ARHGAP42: variants seen among roughly 807,000 people sequenced by gnomAD.
ARHGAP42 encodes the protein rho GTPase-activating protein 42.
In ARHGAP42, 63 loss-of-function variants were observed where a neutral mutation model predicts 125.0. That is an observed-to-expected ratio of 0.50 (90% CI 0.41 to 0.62). The LOEUF is 0.62. Ranked by LOEUF, ARHGAP42 falls within the 20% of genes least tolerant of loss-of-function variation. The pLI is 0.00. For missense variants in ARHGAP42, 766 were observed against 1,024.2 expected (o/e 0.75, Z 3.44); for synonymous variants, 339 against 351.0 (o/e 0.97, Z 0.38).
At chr11:100,976,465 T>C (rs1403577320) in intron 20 of ARHGAP42, 28 bp downstream of exon 20, 6 of 1,491,698 alleles carry the variant, frequency 4.0e-6, no homozygotes, top group Non-Finnish European at 4.5e-6. Flanking sequence ...TTGTGCAAGA[T>C]GTCATTGTCT....
At chr11:100,878,248 C>G (rs1165780611) in intron 4 of ARHGAP42, among the ~76,000 whole-genome samples, 1 of 151,948 alleles carries the variant, frequency 6.6e-6, no homozygotes, top group East Asian at 2.0e-4. Context: ...CCTGCCTCAG[C>G]CTCCCGAGTA....
intron 1 of ARHGAP42, among the ~76,000 whole-genome samples, chr11:100,755,376 T>C (rs1311131858): frequency 2.0e-5 from 3 of 152,232 alleles, no homozygotes; most frequent in Admixed American, 2.0e-4. Context: ...TAGATAATTT[T>C]CCATACTTAA....
intron 2 of ARHGAP42, among the ~76,000 whole-genome samples, chr11:100,772,639 C>G (rs990918846): frequency 6.6e-6 from 1 of 152,154 alleles, no homozygotes; most frequent in African/African-American, 2.4e-5. Context: ...TCATGCACTG[C>G]CAACATTTGG....
At chr11:100,963,637 A>C (rs1180846721) in intron 16 of ARHGAP42, among the ~76,000 whole-genome samples, 2 of 152,182 alleles carry the variant, frequency 1.3e-5, no homozygotes, top group Non-Finnish European at 2.9e-5. Context: ...AATCTACACT[A>C]TTTAGTTTTC....
chr11:100,988,991 T>C lies in ARHGAP42; in HGVS notation c.*190T>C. ...AAGATTTAAATTGTTGGCCATTCTT[T>C]TTTGGTTGGTTTCTTATTTTAAAAT... is the stretch of plus-strand genomic sequence containing the variant. On this transcript the variant is annotated 3_prime_UTR_variant, in exon 24 of 24. Coordinates refer to ENST00000298815, the MANE Select transcript of ARHGAP42 (RefSeq NM_152432.4). 1 of 492,842 alleles carries C rather than the reference T, an allele frequency of 2.0e-6. No individual in the cohort carries two copies. Among genetic ancestry groups the C allele is most frequent in the African/African-American group, 1.9e-5 (1 of 52,984 alleles). 30.5% of individuals were successfully genotyped at this position (492,842 alleles called of 1,614,324 possible).
chr11:100,810,929 A>G (rs1461821796), intron 3 of ARHGAP42, among the ~76,000 whole-genome samples: 1 of 152,142 alleles, frequency 6.6e-6, no homozygotes, highest in Non-Finnish European at 1.5e-5. Context: ...CAGCAATAAA[A>G]TGAACATTTT....
chr11:100,709,322 G>A (rs1591120029), intron 1 of ARHGAP42, among the ~76,000 whole-genome samples: 1 of 152,158 alleles, frequency 6.6e-6, no homozygotes, highest in African/African-American at 2.4e-5. Context: ...TTGTCTGTCT[G>A]TCTCTCAAAT....
chr11:100,935,676 A>G (rs1421989418), intron 7 of ARHGAP42, among the ~76,000 whole-genome samples: 1 of 124,006 alleles, frequency 8.1e-6, no homozygotes, highest in African/African-American at 3.5e-5. Context: ...ACACACACAC[A>G]CAGAGAGAGA....
In ARHGAP42 at chr11:100,921,569, G is replaced by C. The variant is rs1012241145; in HGVS notation, c.562G>C (p.Val188Leu). 5 of 1,541,542 alleles carry C rather than the reference G, an allele frequency of 3.2e-6. No individual in the cohort carries two copies. Among genetic ancestry groups the C allele is most frequent in the Admixed American group, 4.0e-5 (2 of 49,722 alleles). Residue 188 changes from valine (V) to leucine (L), a missense_variant, in exon 6 of 24, where the codon GTC becomes CTC. By Grantham distance (32) the Val-to-Leu change is conservative. Around this residue, in one of 3 missense-constraint regions of ARHGAP42, gnomAD observed 455 missense variants for 636.5 expected, o/e 0.71. Coordinates refer to ENST00000298815, the MANE Select transcript of ARHGAP42 (RefSeq NM_152432.4). ...SLEYVFKIQE[V>L]QEKKKFEFVE... The stretch of plus-strand genomic sequence containing the variant: ...AGAATATGTCTTTAAAATTCAAGAG[G>C]TCCAAGAAAAAAAGAAGTTTGAATT...
At chr11:100,751,173 A>G (rs1018317690) in intron 1 of ARHGAP42, among the ~76,000 whole-genome samples, 6 of 151,902 alleles carry the variant, frequency 3.9e-5, no homozygotes, top group African/African-American at 1.4e-4. Flanking sequence ...TCCTGACCTC[A>G]GGTGATTCTC....
At chr11:100,796,863 G>A (rs1326830816) in intron 3 of ARHGAP42, among the ~76,000 whole-genome samples, 2 of 150,294 alleles carry the variant, frequency 1.3e-5, no homozygotes, top group Admixed American at 6.7e-5. Context: ...TCTGCCTCCT[G>A]GGTTCAAGCG....
chr11:100,847,604 G>A lies in ARHGAP42; in HGVS notation c.313-11950G>A, dbSNP rs2135122209. On this transcript the variant is annotated intron_variant, in intron 3 of 23. Transcript: ENST00000298815. ...AATATAGGTGGGTCGTGAAACACAG[G>A]GCTGAGAGCTGTGTAATTGCTAATT... Among the ~76,000 whole-genome samples the A allele has an allele frequency of 1.3e-5, 2 of 152,192 alleles. 1 individual carries two copies. Among genetic ancestry groups the A allele is most frequent in the South Asian group, 4.2e-4 (2 of 4,808 alleles).
In ARHGAP42 at chr11:100,779,445, CAAAAA is replaced by C. The variant is rs869248095; in HGVS notation, c.250+9026_250+9030del. The stretch of plus-strand genomic sequence containing the variant: ...GGGCAACAAGAGCGAGACTGCGTCT[CAAAAA>C]AAAAAAAAAAAAAAAAAATATATAT... On this transcript the variant is annotated intron_variant, in intron 2 of 23. Transcript: ENST00000298815. Among the ~76,000 whole-genome samples the C allele has an allele frequency of 3.8e-3, 209 of 54,434 alleles. 1 individual carries two copies. The highest frequency in any genetic ancestry group is 0.014 in the African/African-American group (199 of 14,554). 35.7% of individuals were successfully genotyped at this position (54,434 alleles called of 152,430 possible). A position where few individuals can be genotyped will look rare whatever the true frequency, so the allele number is the denominator to read the frequency against.
chr11:100,780,032 TAA>T (rs1251990874), intron 2 of ARHGAP42, among the ~76,000 whole-genome samples: 1 of 139,438 alleles, frequency 7.2e-6, no homozygotes, highest in Non-Finnish European at 1.6e-5. Flanking sequence ...TCTCAAAAAC[TAA>T]AAAAAAAAAC....
intron 3 of ARHGAP42, among the ~76,000 whole-genome samples, chr11:100,849,802 C>G (rs1194049256): frequency 6.6e-6 from 1 of 152,092 alleles, no homozygotes; most frequent in Non-Finnish European, 1.5e-5. Context: ...TGTACAAGTT[C>G]CAATTACCAT....
At chr11:100,825,670 T>G (rs1864500156) in intron 3 of ARHGAP42, among the ~76,000 whole-genome samples, 1 of 152,140 alleles carries the variant, frequency 6.6e-6, no homozygotes, top group Admixed American at 6.5e-5. Context: ...GACTCTGTAG[T>G]GTATATTTTA....
intron 1 of ARHGAP42, among the ~76,000 whole-genome samples, chr11:100,759,001 T>TTTTG (rs531894679): frequency 1.3e-5 from 2 of 152,158 alleles, no homozygotes; most frequent in African/African-American, 2.4e-5. Context: ...TTTAGTGTTT[T>TTTTG]TTTGTTTGTT....
intron 1 of ARHGAP42, among the ~76,000 whole-genome samples, chr11:100,694,031 A>G (rs1861236327): frequency 6.6e-6 from 1 of 151,764 alleles, no homozygotes; most frequent in Non-Finnish European, 1.5e-5. Context: ...TCCCCGGTTC[A>G]AGCAATTCTC....
At position 100,991,110 on chromosome 11, in the gene ARHGAP42, A is replaced by T. The variant is rs1199591313; in HGVS notation, c.*2309A>T. Reference sequence around the variant, plus strand: ...GCTGAAACAAGCTACAGAAGCACTGATTCAAGTTGTGCTTGTGCTTGAACT... The same window carrying T: ...GCTGAAACAAGCTACAGAAGCACTGTTTCAAGTTGTGCTTGTGCTTGAACT... On this transcript the variant is annotated 3_prime_UTR_variant, in exon 24 of 24. Coordinates refer to ENST00000298815, the MANE Select transcript of ARHGAP42 (RefSeq NM_152432.4). 6.6e-6 allele frequency: 1 copy of T among 152,202 alleles called. No individual in the cohort carries two copies. The highest frequency in any genetic ancestry group is 2.4e-5 in the African/African-American group (1 of 41,456). The allele number at this position is 152,202 out of a possible 1,614,324, so 9.4% of individuals were successfully genotyped here.
Sources: allele counts gnomAD v4.1 joint callset (sites outside exome capture counted in the v4.1 genomes callset), GRCh38; gene constraint gnomAD v4.1.1; regional missense constraint gnomAD v4.1.1; transcripts MANE v1.5; gene names NCBI Gene and HGNC (gene_info 2026-07-23, HGNC 2026-07-21).